TEAD1: variants seen among roughly 807,000 people sequenced by gnomAD.
TEAD1 encodes the protein transcriptional enhancer factor TEF-1.
In TEAD1, 9 loss-of-function variants were observed where a neutral mutation model predicts 54.9. The ratio of observed to expected loss-of-function variants is 0.16; its 90% confidence interval spans 0.10 to 0.29. TEAD1 has a LOEUF of 0.29. Among genes scored for constraint, TEAD1 ranks in the 10% least tolerant of loss-of-function variants. The pLI is 1.00. For missense variants in TEAD1, 387 were observed against 535.9 expected (o/e 0.72, Z 2.74); for synonymous variants, 200 against 187.8 (o/e 1.07, Z -0.53).
At chr11:12,858,117 G>A (rs1197565098) in intron 3 of TEAD1, among the ~76,000 whole-genome samples, 1 of 152,068 alleles carries the variant, frequency 6.6e-6, no homozygotes, top group Non-Finnish European at 1.5e-5. Context: ...AAGAAATAAA[G>A]GAAATAGAGA....
Position 12,752,215 on chromosome 11 carries a change from T to G in TEAD1, c.-54-11964T>G, listed in dbSNP as rs923923510. On this transcript the variant is annotated intron_variant, in intron 2 of 12. Coordinates refer to ENST00000527636, the MANE Select transcript of TEAD1 (RefSeq NM_021961.6). ...CAGAAAGGCACTGAAACAGGGCAGT[T>G]TTTTTTTTTTTTTTTTTTCATTTCT... Among the ~76,000 whole-genome samples, 7 of 136,726 alleles carry G rather than the reference T, an allele frequency of 5.1e-5. 1 individual carries two copies. Among genetic ancestry groups the G allele is most frequent in the African/African-American group, 2.1e-4 (7 of 32,812 alleles). 89.7% of individuals were successfully genotyped at this position (136,726 alleles called of 152,430 possible). A position where few individuals can be genotyped will look rare whatever the true frequency, so the allele number is the denominator to read the frequency against.
chr11:12,862,464 C>G (rs1032241267), intron 4 of TEAD1, 150 bp downstream of exon 4: 2 of 712,004 alleles, frequency 2.8e-6, no homozygotes, highest in Admixed American at 2.1e-5. Flanking sequence ...TAAATTGGCT[C>G]AGTTTTCACT....
chr11:12,751,285 CAAA>C (rs67548037), intron 2 of TEAD1, among the ~76,000 whole-genome samples: 61 of 112,556 alleles, frequency 5.4e-4, no homozygotes, highest in African/African-American at 6.3e-4. Context: ...CAACCTGACT[CAAA>C]AAAAAAAAAA....
intron 3 of TEAD1, among the ~76,000 whole-genome samples, chr11:12,848,120 G>T (rs935592984): frequency 6.6e-6 from 1 of 152,024 alleles, no homozygotes; most frequent in African/African-American, 2.4e-5. Context: ...CCATCTAATC[G>T]TTCCGTCTTT....
rs1269616399 is a variant in TEAD1, at chr11:12,881,033, A to G, written c.494A>G (p.Gln165Arg). 3.7e-6 allele frequency: 6 copies of G among 1,614,186 alleles called. No homozygotes were observed. Among genetic ancestry groups the G allele is most frequent in the East Asian group, 2.2e-5 (1 of 44,876 alleles). ...TGGCCGGGAATGATTCAAACAGGGC[A>G]GCCAGGATCCTCACAAGAGTAAGTC... is the stretch of plus-strand genomic sequence containing the variant. The change falls in exon 7 of 13, where the codon CAG (glutamine) becomes CGG (arginine). Residue 165 changes from glutamine (Q) to arginine (R), a missense_variant. By Grantham distance (43) the Gln-to-Arg change is conservative. Around this residue, in one of 5 missense-constraint regions of TEAD1, gnomAD observed 180 missense variants for 180.6 expected, o/e 1.00. Coordinates refer to ENST00000527636, the MANE Select transcript of TEAD1 (RefSeq NM_021961.6).
chr11:12,765,140 A>C (rs1221322746), intron 3 of TEAD1, among the ~76,000 whole-genome samples: 1 of 152,050 alleles, frequency 6.6e-6, no homozygotes, highest in Non-Finnish European at 1.5e-5. Flanking sequence ...AGTGCCAAGG[A>C]GAGAGAGACC....
intron 3 of TEAD1, among the ~76,000 whole-genome samples, chr11:12,770,563 C>T (rs1334983545): frequency 2.6e-5 from 4 of 152,144 alleles, no homozygotes; most frequent in Admixed American, 6.6e-5. Context: ...ATAGGATGTG[C>T]GATCTTGATT....
intron 3 of TEAD1, among the ~76,000 whole-genome samples, chr11:12,851,851 C>G (rs144306957): frequency 2.1e-3 from 317 of 151,942 alleles, no homozygotes; most frequent in African/African-American, 6.9e-3. Context: ...GCTACCAGAT[C>G]TGGGGTCACA....
At chr11:12,920,863 C>T (rs1018029270) in intron 10 of TEAD1, among the ~76,000 whole-genome samples, 2 of 152,120 alleles carry the variant, frequency 1.3e-5, no homozygotes, top group African/African-American at 2.4e-5. Flanking sequence ...ATCAGTAGAG[C>T]GTGTATTAAA....
intron 5 of TEAD1, among the ~76,000 whole-genome samples, chr11:12,874,787 T>C (rs1947822028): frequency 1.3e-5 from 2 of 152,158 alleles, no homozygotes; most frequent in Non-Finnish European, 2.9e-5. Context: ...CCATGAGTGT[T>C]TTCTGCATTG....
At chr11:12,928,678 T>C (rs946351146) in intron 11 of TEAD1, among the ~76,000 whole-genome samples, 1 of 152,206 alleles carries the variant, frequency 6.6e-6, no homozygotes, top group African/African-American at 2.4e-5. Flanking sequence ...TACATAAAAC[T>C]TACTCCTGTG....
chr11:12,733,735 T>G (rs368975160), intron 2 of TEAD1, among the ~76,000 whole-genome samples: 17 of 152,240 alleles, frequency 1.1e-4, no homozygotes, highest in African/African-American at 3.6e-4. Context: ...TTTGTGTGAA[T>G]GTATGTACAT....
At chr11:12,796,567 A>G (rs371407355) in intron 3 of TEAD1, among the ~76,000 whole-genome samples, 99 of 152,002 alleles carry the variant, frequency 6.5e-4, no homozygotes, top group African/African-American at 2.2e-3. Context: ...TCCACAAAAA[A>G]TACAAAAATT....
intron 9 of TEAD1, among the ~76,000 whole-genome samples, chr11:12,893,974 C>G (rs1264897562): frequency 6.6e-6 from 1 of 152,130 alleles, no homozygotes; most frequent in Non-Finnish European, 1.5e-5. Context: ...TCCCTGTCCC[C>G]CCAGGGGCCA....
intron 2 of TEAD1, among the ~76,000 whole-genome samples, chr11:12,745,807 A>G (rs1489062696): frequency 6.6e-6 from 1 of 151,242 alleles, no homozygotes; most frequent in Non-Finnish European, 1.5e-5. Flanking sequence ...TCTACCTTTC[A>G]CCACCTTCAG....
At chr11:12,735,816 GAGTT>G (rs1043039410) in intron 2 of TEAD1, among the ~76,000 whole-genome samples, 2 of 152,090 alleles carry the variant, frequency 1.3e-5, no homozygotes, top group Non-Finnish European at 2.9e-5. Context: ...TTTGAGGGAG[GAGTT>G]AGTTACTTTT....
At chr11:12,791,631 G>A (rs912765932) in intron 3 of TEAD1, among the ~76,000 whole-genome samples, 19 of 152,284 alleles carry the variant, frequency 1.2e-4, no homozygotes, top group Non-Finnish European at 1.6e-4. Context: ...TGTCTACAAA[G>A]TTAGGCATCA....
intron 2 of TEAD1, among the ~76,000 whole-genome samples, chr11:12,720,099 T>G (rs906434272): frequency 1.3e-5 from 2 of 151,258 alleles, no homozygotes; most frequent in Admixed American, 1.3e-4. Flanking sequence ...GCATCTCTCA[T>G]TATATAATGT....
chr11:12,845,549 G>A (rs1947129020), intron 3 of TEAD1, among the ~76,000 whole-genome samples: 1 of 152,174 alleles, frequency 6.6e-6, no homozygotes, highest in African/African-American at 2.4e-5. Context: ...CATGTAGTTT[G>A]TGTCTCAGTC....
Sources: allele counts gnomAD v4.1 joint callset (sites outside exome capture counted in the v4.1 genomes callset), GRCh38; gene constraint gnomAD v4.1.1; regional missense constraint gnomAD v4.1.1; transcripts MANE v1.5; gene names NCBI Gene and HGNC (gene_info 2026-07-23, HGNC 2026-07-21).